The following CHN1 variants were observed in gnomAD, a reference collection of about 807,000 sequenced individuals.
CHN1 encodes N-chimaerin.
CHN1 carries 37 observed loss-of-function variants against 59.5 expected under a neutral mutation model. The observed-to-expected ratio is 0.62, with a 90% confidence interval of 0.48 to 0.82. CHN1 has a LOEUF of 0.82. CHN1 is among the 40% of genes least tolerant of loss of function. CHN1 has a pLI of 0.00. For missense variants in CHN1, 469 were observed against 571.0 expected (o/e 0.82, Z 1.82); for synonymous variants, 206 against 200.4 (o/e 1.03, Z -0.24).
At chr2:174,828,591 G>A (rs574660120) in intron 7 of CHN1, among the ~76,000 whole-genome samples, 6 of 152,264 alleles carry the variant, frequency 3.9e-5, no homozygotes, top group African/African-American at 1.4e-4. Flanking sequence ...ACTGACATCT[G>A]CAGACAATTT....
intron 6 of CHN1, 188 bp from the exon 7 acceptor site, chr2:174,847,145 AG>A: frequency 6.5e-7 from 1 of 1,546,134 alleles, no homozygotes; most frequent in Non-Finnish European, 8.7e-7. Context: ...GGAATTCACA[AG>A]GAAAGAAAAC....
chr2:174,847,054 C>T, intron 6 of CHN1, 97 bp from the exon 7 acceptor site: 1 of 1,551,684 alleles, frequency 6.4e-7, no homozygotes, highest in Non-Finnish European at 8.7e-7. Context: ...ATAAATCTTG[C>T]TGACGGCCCT....
intron 8 of CHN1, chr2:174,821,716 G>A: frequency 4.3e-6 from 2 of 463,840 alleles, no homozygotes; most frequent in Non-Finnish European, 8.9e-6. Flanking sequence ...TGGAAGCAGA[G>A]TTGGACCCTT....
At chr2:174,971,491 T>C (rs886529966) in intron 1 of CHN1, among the ~76,000 whole-genome samples, 2 of 152,192 alleles carry the variant, frequency 1.3e-5, no homozygotes, top group Admixed American at 6.5e-5. Flanking sequence ...TTGTAGAATA[T>C]AAATGGATCC....
At chr2:174,874,818 A>AACG (rs1351461691) in intron 6 of CHN1, among the ~76,000 whole-genome samples, 1 of 152,070 alleles carries the variant, frequency 6.6e-6, no homozygotes, top group Non-Finnish European at 1.5e-5. Flanking sequence ...AGTCATGAAT[A>AACG]ACGCAGAGAA....
At chr2:174,847,086 C>T (rs1337255967) in intron 6 of CHN1, 129 bp from the exon 7 acceptor site, 2 of 1,551,644 alleles carry the variant, frequency 1.3e-6, no homozygotes, top group Non-Finnish European at 1.7e-6. Flanking sequence ...TTGTGAACTG[C>T]AGCCCTATTA....
At chr2:174,898,110 C>A (rs771707641) in intron 5 of CHN1, among the ~76,000 whole-genome samples, 1 of 152,040 alleles carries the variant, frequency 6.6e-6, no homozygotes, top group African/African-American at 2.4e-5. Context: ...ACCCCTCTGC[C>A]GTCTCATTAG....
In CHN1 at chr2:174,811,607, T is replaced by A. The variant is rs187100756; in HGVS notation, c.887-19A>T. The A allele has an allele frequency of 2.1e-4, 315 of 1,514,758 alleles. 1 individual carries two copies. The African/African-American group carries it at 3.7e-3, about 18-fold the overall frequency. The allele number at this position is 1,514,758 out of a possible 1,614,324, so 93.8% of individuals were successfully genotyped here. On this transcript the variant is annotated intron_variant, in intron 9 of 12. Coordinates refer to ENST00000409900, the MANE Select transcript of CHN1 (RefSeq NM_001822.7). ...TTAAGACCTGAAAAATAAAACTAGT[T>A]AGTTTCTTTGAATTATGCCTTTTCT...
chr2:174,840,146 A>G (rs1198868204), intron 7 of CHN1, among the ~76,000 whole-genome samples: 2 of 139,860 alleles, frequency 1.4e-5, no homozygotes, highest in Non-Finnish European at 3.1e-5. Context: ...GCCAGTGTTT[A>G]TGCATAAAAC....
rs932487960 is a variant in CHN1 at position 174,800,074 on chromosome 2, C to T, written c.*42G>A. 2.0e-6 allele frequency: 3 copies of T among 1,491,688 alleles called. No homozygotes were observed. Among genetic ancestry groups the T allele is most frequent in the Admixed American group, 4.1e-5 (2 of 48,284 alleles). 92.4% of individuals were successfully genotyped at this position (1,491,688 alleles called of 1,614,324 possible). On this transcript the variant is annotated 3_prime_UTR_variant, in exon 13 of 13. Transcript: ENST00000409900. ...GCAAATTAAATTACTATAAAACATT[C>T]CTTCATCTGTAAAACATTTCTTTTC...
intron 6 of CHN1, among the ~76,000 whole-genome samples, chr2:174,876,029 C>T (rs779953699): frequency 6.6e-6 from 1 of 152,180 alleles, no homozygotes; most frequent in Non-Finnish European, 1.5e-5. Context: ...CAGTAGCTAT[C>T]GCTGTCCACC....
intron 7 of CHN1, chr2:174,837,350 CAG>C (rs1466911398): frequency 6.6e-6 from 1 of 152,106 alleles, no homozygotes. Context: ...AAAAGAGAAA[CAG>C]AGAATATGAT....
chr2:174,889,742 G>GT (rs1422579849), intron 5 of CHN1, among the ~76,000 whole-genome samples: 5 of 152,090 alleles, frequency 3.3e-5, no homozygotes, highest in Non-Finnish European at 7.4e-5. Flanking sequence ...ACTACAAAGT[G>GT]TATCAATATA....
intron 6 of CHN1, among the ~76,000 whole-genome samples, chr2:174,876,379 T>A (rs1289950783): frequency 6.6e-6 from 1 of 152,138 alleles, no homozygotes; most frequent in Admixed American, 6.5e-5. Context: ...TTCTAGCAAA[T>A]CTGCAAAGAA....
intron 1 of CHN1, among the ~76,000 whole-genome samples, chr2:174,998,302 C>CAA (rs34770658): frequency 0.011 from 542 of 48,690 alleles, 27 homozygotes; most frequent in African/African-American, 0.042. Flanking sequence ...GACTCTGTCT[C>CAA]AAAAAAAAAA....
At chr2:174,900,050 C>T (rs901507297) in intron 5 of CHN1, among the ~76,000 whole-genome samples, 1 of 152,166 alleles carries the variant, frequency 6.6e-6, no homozygotes, top group Admixed American at 6.5e-5. Context: ...CAAATATATT[C>T]TACTTTACTT....
chr2:174,839,470 AATC>A (rs1395544719), intron 7 of CHN1, among the ~76,000 whole-genome samples: 1 of 150,938 alleles, frequency 6.6e-6, no homozygotes, highest in Non-Finnish European at 1.5e-5. Context: ...TATCTATAAT[AATC>A]AAACTCAGAA....
rs1004223291 is a variant in CHN1 at position 174,812,291 on chromosome 2, G to A, written c.886+18C>T. ...TAGTGAACGGAGACCACTGCAACCC[G>A]CACTGCAAATGGCTCACCTCTAGAC... On this transcript the variant is annotated intron_variant, in intron 9 of 12. Transcript: ENST00000409900. The A allele has an allele frequency of 1.2e-5, 19 of 1,596,178 alleles. No homozygotes were observed. The East Asian group carries it at 1.3e-4, about 11-fold the overall frequency.
intron 7 of CHN1, among the ~76,000 whole-genome samples, chr2:174,841,997 C>G (rs1686320298): frequency 6.6e-6 from 1 of 152,088 alleles, no homozygotes; most frequent in African/African-American, 2.4e-5. Context: ...ATTTTGAAAA[C>G]TCACATAAAT....
Sources: allele counts gnomAD v4.1 joint callset (sites outside exome capture counted in the v4.1 genomes callset), GRCh38; gene constraint gnomAD v4.1.1; transcripts MANE v1.5; gene names NCBI Gene and HGNC (gene_info 2026-07-23, HGNC 2026-07-21).